The following OPRM1 variants were observed in gnomAD, a reference collection of about 807,000 sequenced individuals.
OPRM1 encodes the protein mu-type opioid receptor.
Under a neutral mutation model 31.8 loss-of-function variants are expected in OPRM1, and 27 were observed. The observed-to-expected ratio is 0.85, with a 90% CI of 0.63 to 1.17. The LOEUF is 1.17. Ranked by LOEUF, OPRM1 falls within the 50% of genes most tolerant of loss-of-function variation. The pLI, the probability that OPRM1 is intolerant of heterozygous loss-of-function variation, is 0.00. For synonymous variants in OPRM1, 196 were observed against 189.9 expected, an observed-to-expected ratio of 1.03 and a Z score of -0.26; for missense variants, 536 against 511.1, an observed-to-expected ratio of 1.05 and a Z score of -0.47.
chr6:154,100,065 C>CATGATATATATCATATGATATATATA (rs1554275362), intron 3 of OPRM1, among the ~76,000 whole-genome samples: 1 of 129,414 alleles, frequency 7.7e-6, no homozygotes, highest in East Asian at 2.3e-4. Context: ...TGATATATAT[C>CATGATATATATCATATGATATATATA]ATGATATATA....
At chr6:154,117,935 A>G (rs1042673142) in intron 3 of OPRM1, among the ~76,000 whole-genome samples, 1 of 152,030 alleles carries the variant, frequency 6.6e-6, no homozygotes, top group African/African-American at 2.4e-5. Flanking sequence ...AAGCACATGG[A>G]TAAAGCACAT....
At chr6:154,152,918 T>C (rs1358758437) in intron 3 of OPRM1, among the ~76,000 whole-genome samples, 1 of 124,848 alleles carries the variant, frequency 8.0e-6, no homozygotes, top group African/African-American at 3.2e-5. Context: ...TTTTTTTTTT[T>C]TAAAGAGACA....
At chr6:154,019,182 CTTT>C (rs34786795) in intron 1 of OPRM1, among the ~76,000 whole-genome samples, 8 of 126,892 alleles carry the variant, frequency 6.3e-5, no homozygotes, top group Non-Finnish European at 1.3e-4. Flanking sequence ...CCCTGTTGTG[CTTT>C]TTTTTTTTTT....
At chr6:154,089,447 G>A (rs991636276) in intron 1 of OPRM1, among the ~76,000 whole-genome samples, 1 of 151,980 alleles carries the variant, frequency 6.6e-6, no homozygotes, top group African/African-American at 2.4e-5. Context: ...AATTAACAGG[G>A]TATGGTGGCA....
intron 3 of OPRM1, chr6:154,214,306 C>G: frequency 6.6e-7 from 1 of 1,518,350 alleles, no homozygotes; most frequent in Non-Finnish European, 9.2e-7. Context: ...CAAATGTTGA[C>G]CAAAGAGATT....
At position 154,209,937 on chromosome 6, in the gene OPRM1, A is replaced by G. The variant is rs143920978; in HGVS notation, c.1165-36756A>G. Among the ~76,000 whole-genome samples the G allele has an allele frequency of 6.2e-4, 95 of 152,368 alleles. No individual in the cohort carries two copies. The East Asian group carries it at 0.018, about 28-fold the overall frequency. ...CTCAACTTAGAACTTCTAAAAAATA[A>G]CATTTGATTGATGATTCAAAAAATT... On this transcript the variant is annotated intron_variant, in intron 3 of 3. Transcript: ENST00000337049.
intron 3 of OPRM1, among the ~76,000 whole-genome samples, chr6:154,219,424 C>T (rs1420899524): frequency 6.6e-6 from 1 of 152,156 alleles, no homozygotes; most frequent in Non-Finnish European, 1.5e-5. Context: ...AAAGCCAGGA[C>T]AGCAGGAGGT....
upstream of OPRM1, among the ~76,000 whole-genome samples, chr6:154,038,164 T>C (rs962093402): frequency 1.3e-5 from 2 of 152,172 alleles, no homozygotes; most frequent in Non-Finnish European, 2.9e-5. Flanking sequence ...GAATTAAATG[T>C]TCCTTTCAAG....
At chr6:154,173,627 G>T (rs1800055203) in intron 3 of OPRM1, among the ~76,000 whole-genome samples, 2 of 152,104 alleles carry the variant, frequency 1.3e-5, no homozygotes, top group South Asian at 4.1e-4. Flanking sequence ...ATAGAAAAAA[G>T]AATGAAAAGA....
intron 3 of OPRM1, among the ~76,000 whole-genome samples, chr6:154,241,626 G>C (rs1780601695): frequency 6.6e-6 from 1 of 151,936 alleles, no homozygotes; most frequent in Non-Finnish European, 1.5e-5. Flanking sequence ...TTTGCGTAGT[G>C]CGCCCTACAT....
At chr6:154,107,514 T>G (rs1562479742) in intron 3 of OPRM1, 1 of 718,600 alleles carries the variant, frequency 1.4e-6, no homozygotes, top group Non-Finnish European at 2.6e-6. Flanking sequence ...CCTTGGCCAC[T>G]GAGCTACAAT....
rs1415415591 is a variant in OPRM1, at chr6:154,129,148, G to T, written c.*10427G>T. 6.6e-6 allele frequency among the ~76,000 whole-genome samples: 1 copy of T among 152,140 alleles called. No individual in the cohort carries two copies. The highest frequency in any genetic ancestry group is 1.5e-5 in the Non-Finnish European group (1 of 68,026). ...AGTACACAATTTCTGTCCCTTTTAA[G>T]GGCTCACAACACTAGATTTCACATG... On this transcript the variant is annotated 3_prime_UTR_variant, in exon 4 of 4. Transcript: ENST00000330432.
intron 3 of OPRM1, chr6:154,157,544 A>G (rs1436595132): frequency 6.6e-6 from 1 of 152,242 alleles, no homozygotes; most frequent in Admixed American, 6.5e-5. Flanking sequence ...TTTCAATGGT[A>G]CTAAAGGAGT....
upstream of OPRM1, among the ~76,000 whole-genome samples, chr6:154,038,120 C>A (rs1779427299): frequency 6.6e-6 from 1 of 152,106 alleles, no homozygotes; most frequent in African/African-American, 2.4e-5. Flanking sequence ...TATGAGTTAT[C>A]TGTTTCTAAG....
intron 1 of OPRM1, among the ~76,000 whole-genome samples, chr6:154,041,677 G>A (rs1004694657): frequency 1.3e-5 from 2 of 151,340 alleles, no homozygotes; most frequent in South Asian, 2.1e-4. Context: ...GAGTTAATTC[G>A]ACTATTAGGT....
upstream of OPRM1, chr6:154,039,188 G>A (rs1312664080): frequency 1.3e-6 from 2 of 1,551,654 alleles, no homozygotes; most frequent in Non-Finnish European, 1.7e-6. Context: ...AGTGCCCAGT[G>A]AAGAGACCTA....
chr6:154,167,784 T>C (rs1257910386), intron 3 of OPRM1: 1 of 618,554 alleles, frequency 1.6e-6, no homozygotes, highest in African/African-American at 1.8e-5. Flanking sequence ...TCTTGCCCTA[T>C]AAAGGTTATA....
chr6:154,025,274 C>T (rs376904835), intron 1 of OPRM1, among the ~76,000 whole-genome samples: 4 of 151,972 alleles, frequency 2.6e-5, no homozygotes, highest in African/African-American at 9.7e-5. Flanking sequence ...TATATAGTAA[C>T]CTTCTTTGTC....
chr6:154,071,096 T>C (rs1254794438), intron 1 of OPRM1, among the ~76,000 whole-genome samples: 3 of 152,218 alleles, frequency 2.0e-5, no homozygotes, highest in Non-Finnish European at 2.9e-5. Flanking sequence ...TGATAACTTC[T>C]AGACCTAAAG....
Sources: allele counts gnomAD v4.1 joint callset (sites outside exome capture counted in the v4.1 genomes callset), GRCh38; gene constraint gnomAD v4.1.1; transcripts MANE v1.5; gene names NCBI Gene and HGNC (gene_info 2026-07-23, HGNC 2026-07-21).